HYLS1: variants seen among roughly 807,000 people sequenced by gnomAD.
HYLS1 encodes HYLS1 centriolar and ciliogenesis associated, also known as centriolar and ciliogenesis-associated protein HYLS1.
In HYLS1, 25 loss-of-function variants were observed where a neutral mutation model predicts 29.4. That is an observed-to-expected ratio of 0.85 (90% CI 0.62 to 1.19). The LOEUF (loss-of-function observed/expected upper bound fraction) is 1.19. Ranked by LOEUF, HYLS1 falls within the 50% of genes most tolerant of loss-of-function variation. The probability of loss-of-function intolerance (pLI) is 0.00; values close to 1 mark genes in which losing one functional copy is unlikely to be tolerated. For missense variants in HYLS1, 352 were observed against 365.1 expected, an observed-to-expected ratio of 0.96 and a Z score of 0.29; for synonymous variants, 128 against 126.7, an observed-to-expected ratio of 1.01 and a Z score of -0.07.
At chr11:125,893,832 G>A in intron 2 of HYLS1, 18 of 1,613,842 alleles carry the variant, frequency 1.1e-5, no homozygotes, top group Non-Finnish European at 1.4e-5. Flanking sequence ...CTCTTCGTTG[G>A]TGTCTCCAAA....
chr11:125,886,978 C>CA (rs1463263584), upstream of HYLS1: 2 of 150,366 alleles, frequency 1.3e-5, no homozygotes, highest in Admixed American at 6.6e-5. Flanking sequence ...AGGCACATTC[C>CA]AAAAGAAAAC....
upstream of HYLS1, among the ~76,000 whole-genome samples, chr11:125,885,584 A>C (rs942310233): frequency 2.6e-5 from 4 of 152,260 alleles, no homozygotes; most frequent in African/African-American, 9.6e-5. Flanking sequence ...TCAAAGCCAA[A>C]GAAAAAGTCA....
chr11:125,894,279 C>T (rs1166193264), intron 2 of HYLS1: 1 of 1,600,920 alleles, frequency 6.2e-7, no homozygotes, highest in Admixed American at 1.7e-5. Context: ...GGAAATTCTA[C>T]AGCCATACTA....
intron 2 of HYLS1, among the ~76,000 whole-genome samples, chr11:125,897,558 T>C (rs474036): frequency 9.4e-5 from 14 of 149,314 alleles, no homozygotes; most frequent in Non-Finnish European, 3.0e-5. Context: ...GAGAGTCAAA[T>C]GGGCAAAGAC....
At position 125,894,095 on chromosome 11, in the gene HYLS1, C is replaced by T. The variant is rs774504778; in HGVS notation, c.-26+2623C>T. ...TTCTGTCATTCCATCCATCTTTGGT[C>T]CTATTCCACAGGGTACTGGAACAGT... is the stretch of plus-strand genomic sequence containing the variant. On this transcript the variant is annotated intron_variant, in intron 2 of 2. Coordinates refer to ENST00000425380, the MANE Select transcript of HYLS1 (RefSeq NM_001134793.2). 3 of 1,614,154 alleles carry T rather than the reference C, an allele frequency of 1.9e-6. No individual in the cohort carries two copies. In the East Asian group the frequency reaches 6.7e-5, roughly 36 times the overall value.
chr11:125,884,166 TAAA>T (rs1164496727), upstream of HYLS1: 1 of 152,090 alleles, frequency 6.6e-6, no homozygotes, highest in Non-Finnish European at 1.5e-5. Context: ...AAAAGAAACT[TAAA>T]GAACATATGG....
rs772820066 is a variant in HYLS1 at position 125,899,636 on chromosome 11, C to T, written c.268C>T (p.Arg90Ter). The change falls in exon 3 of 3, where the codon CGA (arginine) becomes TGA (stop). Residue 90 changes from arginine to a stop codon, truncating the protein, a stop_gained. Transcript: ENST00000425380. LOFTEE classifies it high-confidence loss of function. ...AGTCTCTGAGGCCTCCCAAAGACTC[C>T]GAAAGCCAGTGATGAAGAGAAAGGT... Reference protein sequence around the residue: ...ETVSEASQRLRKPVMKRKVLR... With the variant: ...ETVSEASQRL The T allele has an allele frequency of 9.9e-6, 16 of 1,613,948 alleles. No homozygotes were observed. The highest frequency in any genetic ancestry group is 1.3e-5 in the African/African-American group (1 of 74,866).
chr11:125,897,611 TA>T (rs34513731), intron 2 of HYLS1, among the ~76,000 whole-genome samples: 1 of 151,682 alleles, frequency 6.6e-6, no homozygotes. Flanking sequence ...AAAAATTTTT[TA>T]AAAAAAATTT....
At chr11:125,894,273 A>T (rs1281078240) in intron 2 of HYLS1, 1 of 1,606,534 alleles carries the variant, frequency 6.2e-7, no homozygotes, top group African/African-American at 1.3e-5. Flanking sequence ...ACTAGAGGAA[A>T]TTCTACAGCC....
chr11:125,887,481 C>T (rs1944325265), upstream of HYLS1: 1 of 152,298 alleles, frequency 6.6e-6, no homozygotes, highest in South Asian at 2.1e-4. Flanking sequence ...ATTGGAAATC[C>T]CGGGCATGCT....
chr11:125,897,390 A>G (rs1454071330), intron 2 of HYLS1, among the ~76,000 whole-genome samples: 1 of 152,102 alleles, frequency 6.6e-6, no homozygotes, highest in African/African-American at 2.4e-5. Flanking sequence ...GATGTGACCT[A>G]AAAGGAAAAA....
intron 1 of HYLS1, among the ~76,000 whole-genome samples, chr11:125,890,505 T>A (rs1270815404): frequency 1.3e-5 from 2 of 152,338 alleles, no homozygotes; most frequent in East Asian, 1.9e-4. Context: ...AAATTTGTTA[T>A]AACTCTGCAA....
chr11:125,895,850 G>C, intron 2 of HYLS1: 1 of 1,587,476 alleles, frequency 6.3e-7, no homozygotes, highest in South Asian at 1.1e-5. Context: ...TACTCAGTGT[G>C]TATACCTAGA....
upstream of HYLS1, among the ~76,000 whole-genome samples, chr11:125,884,450 AT>A (rs1944275056): frequency 6.8e-6 from 1 of 148,086 alleles, no homozygotes. Flanking sequence ...TCTACTAAAA[AT>A]ACAAAAAATT....
At chr11:125,897,758 G>A (rs1944632522) in intron 2 of HYLS1, among the ~76,000 whole-genome samples, 1 of 152,136 alleles carries the variant, frequency 6.6e-6, no homozygotes, top group South Asian at 2.1e-4. Flanking sequence ...ATTAATGTAT[G>A]GTCAGTACAG....
Position 125,900,382 on chromosome 11 carries a change from A to ACTT in HYLS1, c.*116_*118dup. 2 of 967,176 alleles carry ACTT rather than the reference A, an allele frequency of 2.1e-6. No homozygotes were observed. Among genetic ancestry groups the ACTT allele is most frequent in the Non-Finnish European group, 3.2e-6 (2 of 620,530 alleles). The allele number at this position is 967,176 out of a possible 1,614,324, so 59.9% of individuals were successfully genotyped here. ...CTCTTCGAAACATTTTATGGTAAGG[A>ACTT]CTTCACCTATCATTGGTCTTTCCTA... On this transcript the variant is annotated 3_prime_UTR_variant, in exon 3 of 3. Coordinates refer to ENST00000425380, the MANE Select transcript of HYLS1 (RefSeq NM_001134793.2).
Position 125,899,356 on chromosome 11 carries a change from T to A in HYLS1, c.-13T>A. The A allele has an allele frequency of 3.1e-6, 5 of 1,613,352 alleles. No individual in the cohort carries two copies. The highest frequency in any genetic ancestry group is 4.2e-6 in the Non-Finnish European group (5 of 1,179,320). ...TTATCTCTTGCAGAAGGTCCTACAG[T>A]GTAGGGGAAGCAATGGAAGAACTTC... On this transcript the variant is annotated 5_prime_UTR_variant, in exon 3 of 3. Transcript: ENST00000425380.
intron 2 of HYLS1, chr11:125,894,016 T>G: frequency 6.2e-7 from 1 of 1,614,216 alleles, no homozygotes; most frequent in Non-Finnish European, 8.5e-7. Context: ...GCATCTTCAC[T>G]CCTTCTACAA....
At chr11:125,888,516 C>A (rs1003821560) in intron 1 of HYLS1, among the ~76,000 whole-genome samples, 1 of 152,018 alleles carries the variant, frequency 6.6e-6, no homozygotes, top group Non-Finnish European at 1.5e-5. Flanking sequence ...CGCCTGTTAC[C>A]CCAGCACTTT....
Sources: gnomAD v4.1 joint callset for allele counts (sites outside exome capture counted in the v4.1 genomes callset) on GRCh38, gnomAD v4.1.1 for gene constraint, MANE v1.5 for transcripts, NCBI Gene and HGNC (gene_info 2026-07-23, HGNC 2026-07-21) for gene names.